TTC17: variants seen among roughly 807,000 people sequenced by gnomAD.
The protein encoded by TTC17 is tetratricopeptide repeat protein 17.
TTC17 carries 58 observed loss-of-function variants against 143.8 expected under a neutral mutation model. The observed-to-expected ratio is 0.40, with a 90% CI of 0.33 to 0.50. The LOEUF (loss-of-function observed/expected upper bound fraction) is 0.50, where lower values mean the gene tolerates loss of function less well. Ranked by LOEUF, TTC17 falls within the 20% of genes least tolerant of loss-of-function variation. The probability of loss-of-function intolerance (pLI) is 0.49; values close to 1 mark genes in which losing one functional copy is unlikely to be tolerated. For missense variants in TTC17, 1,273 were observed against 1,392.5 expected (o/e 0.91, Z 1.37); for synonymous variants, 501 against 497.8 (o/e 1.01, Z -0.09).
At chr11:43,447,959 T>C in intron 18 of TTC17, 43 bp from the exon 19 acceptor site, 1 of 1,606,014 alleles carries the variant, frequency 6.2e-7, no homozygotes, top group Non-Finnish European at 8.5e-7. Context: ...TTGGGTTCTC[T>C]TCCTTTGCAA....
At chr11:43,389,978 A>G (rs74757419) in intron 3 of TTC17, among the ~76,000 whole-genome samples, 157 bp downstream of exon 3, 2,688 of 152,318 alleles carry the variant, frequency 0.018, 42 homozygotes, top group Non-Finnish European at 0.029. Context: ...GAATTCTTAT[A>G]AATTAATTTA....
intron 16 of TTC17, among the ~76,000 whole-genome samples, chr11:43,427,511 G>A (rs1434939204): frequency 6.6e-6 from 1 of 152,244 alleles, no homozygotes; most frequent in Non-Finnish European, 1.5e-5. Flanking sequence ...CATACATCCT[G>A]CTTTGCTAGT....
intron 1 of TTC17, among the ~76,000 whole-genome samples, chr11:43,378,366 C>T (rs553218317): frequency 1.3e-5 from 2 of 152,338 alleles, no homozygotes; most frequent in South Asian, 4.1e-4. Flanking sequence ...CTTTCTCCTG[C>T]TTCCTTATGT....
chr11:43,390,927 A>G (rs1857360337), intron 3 of TTC17, among the ~76,000 whole-genome samples: 1 of 152,190 alleles, frequency 6.6e-6, no homozygotes, highest in Non-Finnish European at 1.5e-5. Flanking sequence ...TTAGTTATTA[A>G]AAAGTCCATG....
At chr11:43,415,557 A>G (rs1946759893) in intron 16 of TTC17, among the ~76,000 whole-genome samples, 1 of 152,192 alleles carries the variant, frequency 6.6e-6, no homozygotes, top group African/African-American at 2.4e-5. Context: ...AAATTAGGTT[A>G]TAATATTTAA....
intron 16 of TTC17, among the ~76,000 whole-genome samples, chr11:43,434,881 C>T (rs765419840): frequency 1.3e-5 from 2 of 152,132 alleles, no homozygotes; most frequent in Non-Finnish European, 2.9e-5. Context: ...CATGTGGTCC[C>T]CTTACTCTAA....
At chr11:43,395,194 G>A (rs1463216833) in intron 5 of TTC17, among the ~76,000 whole-genome samples, 2 of 149,336 alleles carry the variant, frequency 1.3e-5, no homozygotes, top group Non-Finnish European at 3.0e-5. Flanking sequence ...TCCGTCTCCT[G>A]GGTTCACGCT....
chr11:43,471,858 AAGG>A (rs915787668), intron 21 of TTC17, among the ~76,000 whole-genome samples: 1 of 152,220 alleles, frequency 6.6e-6, no homozygotes, highest in Non-Finnish European at 1.5e-5. Context: ...AAAAGAGACA[AAGG>A]AGGACAAAAG....
chr11:43,384,374 G>A (rs1249879831), intron 2 of TTC17, among the ~76,000 whole-genome samples: 3 of 152,182 alleles, frequency 2.0e-5, no homozygotes, highest in African/African-American at 4.8e-5. Context: ...AGAAATGTTA[G>A]GCCAGGCACA....
intron 21 of TTC17, among the ~76,000 whole-genome samples, chr11:43,480,887 CAAA>C (rs58806758): frequency 1.0e-5 from 1 of 99,016 alleles, no homozygotes; most frequent in Non-Finnish European, 2.2e-5. Context: ...CAAGAAAATG[CAAA>C]AAAAAAAAAA....
At chr11:43,418,446 G>T (rs1231815761) in intron 16 of TTC17, among the ~76,000 whole-genome samples, 1 of 152,126 alleles carries the variant, frequency 6.6e-6, no homozygotes, top group Non-Finnish European at 1.5e-5. Flanking sequence ...TGTTTGGGCA[G>T]TTTTAAAATA....
chr11:43,444,319 G>A, intron 18 of TTC17, 110 bp downstream of exon 18: 1 of 1,103,106 alleles, frequency 9.1e-7, no homozygotes, highest in Non-Finnish European at 1.2e-6. Flanking sequence ...TGATAAAGGG[G>A]CAAAGTGTGG....
At chr11:43,483,152 A>G (rs72902705) in intron 21 of TTC17, among the ~76,000 whole-genome samples, 14,042 of 151,698 alleles carry the variant, frequency 0.093, 798 homozygotes, top group Middle Eastern at 0.16. Flanking sequence ...AAACCTGAAG[A>G]ATCTCATAAT....
At chr11:43,454,361 C>T (rs767134295) in intron 21 of TTC17, among the ~76,000 whole-genome samples, 3 of 152,066 alleles carry the variant, frequency 2.0e-5, no homozygotes, top group Non-Finnish European at 4.4e-5. Context: ...AGATACAATA[C>T]AAGCCTTCCT....
At chr11:43,447,930 C>A in intron 18 of TTC17, 72 bp from the exon 19 acceptor site, 2 of 1,563,472 alleles carry the variant, frequency 1.3e-6, no homozygotes, top group Non-Finnish European at 1.7e-6. Flanking sequence ...GTGAAGTAAT[C>A]ACCAGGGCAT....
chr11:43,450,211 G>T lies in TTC17; in HGVS notation c.2916G>T (p.Leu972=), dbSNP rs751782268. Residue 972 remains leucine, a synonymous_variant, in exon 20 of 24, where the codon CTG becomes CTT. Transcript: ENST00000039989. ...HLHGVSNRAS[L]HYTGESQLTE... The stretch of plus-strand genomic sequence containing the variant: ...ATGGGGTTTCCAACCGAGCCAGCCT[G>T]CACTACACAGGGGAGAGTCAGTTAA... 1.9e-6 allele frequency: 3 copies of T among 1,614,112 alleles called. No homozygotes were observed. In the South Asian group the frequency reaches 3.3e-5, roughly 18 times the overall value.
Position 43,447,872 on chromosome 11 carries a change from T to C in TTC17, c.2666-130T>C, listed in dbSNP as rs1404390390. On this transcript the variant is annotated intron_variant, in intron 18 of 23. Coordinates refer to ENST00000039989, the MANE Select transcript of TTC17 (RefSeq NM_018259.6). ...TTAATTAGATCATAGATGGGGGAAA[T>C]GTTAAAGACTACAGGAATGACTAGC... 7 of 1,100,444 alleles carry C rather than the reference T, an allele frequency of 6.4e-6. No individual in the cohort carries two copies. In the African/African-American group the frequency reaches 9.5e-5, roughly 15 times the overall value. The allele number at this position is 1,100,444 out of a possible 1,614,324, so 68.2% of individuals were successfully genotyped here. A position where few individuals can be genotyped will look rare whatever the true frequency, so the allele number is the denominator to read the frequency against.
intron 16 of TTC17, among the ~76,000 whole-genome samples, chr11:43,423,575 A>C (rs1197221358): frequency 6.6e-6 from 1 of 152,178 alleles, no homozygotes; most frequent in African/African-American, 2.4e-5. Flanking sequence ...GAATTGATTC[A>C]TTTGCAAGCT....
At chr11:43,397,529 G>A in intron 7 of TTC17, 38 bp downstream of exon 7, 2 of 1,458,986 alleles carry the variant, frequency 1.4e-6, no homozygotes, top group South Asian at 1.3e-5. Context: ...CATGCTAGTT[G>A]CCACTTTCTT....
Sources: allele counts gnomAD v4.1 joint callset (sites outside exome capture counted in the v4.1 genomes callset), GRCh38; gene constraint gnomAD v4.1.1; transcripts MANE v1.5; gene names NCBI Gene and HGNC (gene_info 2026-07-23, HGNC 2026-07-21).